The following DLG2 variants were observed in gnomAD, a reference collection of about 807,000 sequenced individuals.
The protein encoded by DLG2 is disks large homolog 2.
A neutral mutation model predicts 132.5 loss-of-function variants in DLG2; 45 were observed. The ratio of observed to expected loss-of-function variants is 0.34; its 90% CI spans 0.27 to 0.44. The LOEUF (loss-of-function observed/expected upper bound fraction) is 0.44, where lower values mean the gene tolerates loss of function less well. DLG2 is among the 20% of genes least tolerant of loss of function. The pLI, the probability that DLG2 is intolerant of heterozygous loss-of-function variation, is 1.00. For missense variants in DLG2, 1,045 were observed against 1,196.9 expected (o/e 0.87, Z 1.87); for synonymous variants, 424 against 419.6 (o/e 1.01, Z -0.13).
At chr11:84,263,164 G>A (rs2154358807) in intron 7 of DLG2, among the ~76,000 whole-genome samples, 1 of 152,236 alleles carries the variant, frequency 6.6e-6, no homozygotes, top group Middle Eastern at 3.4e-3. Flanking sequence ...GCTTCTGAAA[G>A]TCCACTTCTC....
chr11:84,742,212 G>T (rs1249101097), intron 6 of DLG2, among the ~76,000 whole-genome samples: 1 of 152,086 alleles, frequency 6.6e-6, no homozygotes, highest in African/African-American at 2.4e-5. Context: ...AAGGGAAGTG[G>T]TATAGACATT....
At chr11:84,056,517 T>C (rs957521403) in intron 11 of DLG2, among the ~76,000 whole-genome samples, 4 of 152,162 alleles carry the variant, frequency 2.6e-5, no homozygotes, top group African/African-American at 9.7e-5. Flanking sequence ...ATTTAAACTT[T>C]CTGAGGACAG....
Position 83,585,872 on chromosome 11 carries a change from T to G in DLG2, c.1941-44014A>C, listed in dbSNP as rs1221120141. ...AAGGTATATCATTACCATGGTATAATTATGTGCCATGAGGATGGGGCTTGG... is the reference window on the plus strand; with the variant it reads ...AAGGTATATCATTACCATGGTATAAGTATGTGCCATGAGGATGGGGCTTGG... On this transcript the variant is annotated intron_variant, in intron 19 of 27. Transcript: ENST00000376104. 8.5e-5 allele frequency among the ~76,000 whole-genome samples: 13 copies of G among 152,262 alleles called. No individual in the cohort carries two copies. The South Asian group carries it at 2.3e-3, about 27-fold the overall frequency.
chr11:83,814,621 T>C (rs1468652250), intron 17 of DLG2: 1 of 159,072 alleles, frequency 6.3e-6, no homozygotes, highest in African/African-American at 2.4e-5. Context: ...AGGCCCTTAA[T>C]TATGTGGAAA....
chr11:83,531,658 G>A (rs955006325), intron 21 of DLG2, among the ~76,000 whole-genome samples: 1 of 151,864 alleles, frequency 6.6e-6, no homozygotes, highest in Non-Finnish European at 1.5e-5. Flanking sequence ...TACAGCCAAT[G>A]GAAATAAAAA....
rs528228806 is a variant in DLG2, at chr11:85,467,415, T to C, written c.40+131242A>G. Among the ~76,000 whole-genome samples, 47 of 152,320 alleles carry C rather than the reference T, an allele frequency of 3.1e-4. No individual in the cohort carries two copies. In the South Asian group the frequency reaches 9.5e-3, roughly 31 times the overall value. On this transcript the variant is annotated intron_variant, in intron 3 of 27. Transcript: ENST00000376104. ...TTTTCAAAGGGAATGCTTCCAGTTT[T>C]TGCCCATTCAGTATGATACTGGCTG...
intron 4 of DLG2, among the ~76,000 whole-genome samples, chr11:85,176,525 G>T (rs886402654): frequency 3.3e-5 from 5 of 152,092 alleles, no homozygotes; most frequent in Non-Finnish European, 5.9e-5. Context: ...AGAAAATCTA[G>T]ATAGTACCAT....
intron 6 of DLG2, among the ~76,000 whole-genome samples, chr11:84,554,625 A>T (rs1006941512): frequency 6.6e-6 from 1 of 152,084 alleles, no homozygotes; most frequent in Non-Finnish European, 1.5e-5. Flanking sequence ...GCATGCCTGT[A>T]ATCTCAGCCA....
intron 3 of DLG2, among the ~76,000 whole-genome samples, chr11:85,447,361 G>T (rs1024145382): frequency 2.0e-5 from 3 of 152,154 alleles, no homozygotes; most frequent in African/African-American, 7.2e-5. Flanking sequence ...TATATTTAGA[G>T]ATGGGGTCTT....
rs181484625 is a variant in DLG2, at chr11:84,632,918, C to T, written c.358-98187G>A. Among the ~76,000 whole-genome samples the T allele has an allele frequency of 2.5e-4, 38 of 152,286 alleles. No individual in the cohort carries two copies. The East Asian group carries it at 3.7e-3, about 15-fold the overall frequency. On this transcript the variant is annotated intron_variant, in intron 6 of 27. Transcript: ENST00000376104. ...CTTTCCTATTCACAATAAAAGGACA[C>T]ATTAAATGTATACCTTCTTCATAAG...
At chr11:85,316,678 C>G (rs2080699965) in intron 3 of DLG2, among the ~76,000 whole-genome samples, 1 of 151,878 alleles carries the variant, frequency 6.6e-6, no homozygotes, top group Admixed American at 6.6e-5. Context: ...CCAGGACAAA[C>G]TCAACCCTAT....
At chr11:83,776,494 C>T (rs1444812234) in intron 18 of DLG2, among the ~76,000 whole-genome samples, 6 of 152,200 alleles carry the variant, frequency 3.9e-5, no homozygotes, top group Non-Finnish European at 5.9e-5. Flanking sequence ...CCAGCCTCTT[C>T]GGTGCTTTCT....
At chr11:83,692,348 G>C (rs2081139821) in intron 18 of DLG2, among the ~76,000 whole-genome samples, 1 of 152,182 alleles carries the variant, frequency 6.6e-6, no homozygotes, top group South Asian at 2.1e-4. Context: ...TAAAATGGAA[G>C]TAATAACATG....
In DLG2 at chr11:85,158,142, G is replaced by A. The variant is rs536561414; in HGVS notation, c.187-3491C>T. On this transcript the variant is annotated intron_variant, in intron 4 of 27. Transcript: ENST00000376104. ...TAAGGAGGTACACTATACTCAAAAA[G>A]AACTACTTGAATTTTCTAATTTATA... 2.6e-5 allele frequency among the ~76,000 whole-genome samples: 4 copies of A among 152,168 alleles called. No homozygotes were observed. The East Asian group carries it at 7.7e-4, about 29-fold the overall frequency.
intron 16 of DLG2, among the ~76,000 whole-genome samples, chr11:83,873,358 C>T (rs746784726): frequency 2.6e-5 from 4 of 152,140 alleles, no homozygotes; most frequent in African/African-American, 4.8e-5. Flanking sequence ...ACAATTCCCA[C>T]GTGTTGTGGG....
rs912891868 is a variant in DLG2 at position 83,764,655 on chromosome 11, A to G, written c.1825+22035T>C. 3.3e-5 allele frequency among the ~76,000 whole-genome samples: 5 copies of G among 152,354 alleles called. No individual in the cohort carries two copies. The South Asian group carries it at 6.2e-4, about 19-fold the overall frequency. ...ACATAGCTACTATTATCTCAATTTT[A>G]TTAATAAAGAGACTGATACACCAAG... On this transcript the variant is annotated intron_variant, in intron 18 of 27. Coordinates refer to ENST00000376104, the MANE Select transcript of DLG2 (RefSeq NM_001142699.3).
rs2057971579 is a variant in DLG2 at position 84,691,036 on chromosome 11, C to T, written c.358-156305G>A. Among the ~76,000 whole-genome samples, 6 of 151,720 alleles carry T rather than the reference C, an allele frequency of 4.0e-5. No individual in the cohort carries two copies. The South Asian group carries it at 1.2e-3, about 32-fold the overall frequency. ...CAGAACAGTTTATCATATCTATGTT[C>T]TTTTTAACATAAGGTTTTGCCCTTT... On this transcript the variant is annotated intron_variant, in intron 6 of 27. Transcript: ENST00000376104.
chr11:84,753,804 G>A (rs1215253827), intron 6 of DLG2, among the ~76,000 whole-genome samples: 2 of 152,210 alleles, frequency 1.3e-5, no homozygotes, highest in African/African-American at 4.8e-5. Flanking sequence ...AGCAGAGCTG[G>A]AAAAGTCAAA....
chr11:85,016,826 C>G (rs1038904103), intron 6 of DLG2, among the ~76,000 whole-genome samples: 2 of 152,044 alleles, frequency 1.3e-5, no homozygotes, highest in African/African-American at 4.8e-5. Flanking sequence ...GTGTGTTCTC[C>G]CTGCACAGGT....
Sources: allele counts gnomAD v4.1 joint callset (sites outside exome capture counted in the v4.1 genomes callset), GRCh38; gene constraint gnomAD v4.1.1; transcripts MANE v1.5; gene names NCBI Gene and HGNC (gene_info 2026-07-23, HGNC 2026-07-21).